UBAP2: variants seen among roughly 807,000 people sequenced by gnomAD.
UBAP2 encodes ubiquitin-associated protein 2.
In UBAP2, 75 loss-of-function variants were observed where a neutral mutation model predicts 139.6. The observed-to-expected ratio is 0.54, with a 90% confidence interval of 0.45 to 0.65. The LOEUF is 0.65. Among genes scored for constraint, UBAP2 ranks in the 30% least tolerant of loss-of-function variants. The pLI, the probability that UBAP2 is intolerant of heterozygous loss-of-function variation, is 0.00. For synonymous variants in UBAP2, 526 were observed against 526.2 expected (o/e 1.00, Z 0.01); for missense variants, 1,368 against 1,369.6 (o/e 1.00, Z 0.02).
At chr9:34,023,498 T>C (rs564291065) in intron 1 of UBAP2, among the ~76,000 whole-genome samples, 1 of 152,314 alleles carries the variant, frequency 6.6e-6, no homozygotes, top group South Asian at 2.1e-4. Context: ...AAAATTTTAC[T>C]GGTCCATGTT....
At chr9:34,022,835 A>AC (rs1306676137) in intron 1 of UBAP2, among the ~76,000 whole-genome samples, 1 of 152,018 alleles carries the variant, frequency 6.6e-6, no homozygotes, top group Non-Finnish European at 1.5e-5. Flanking sequence ...CTACCACAAA[A>AC]CCTTTTTAAG....
intron 10 of UBAP2, among the ~76,000 whole-genome samples, chr9:33,959,166 T>A (rs1278948668): frequency 1.4e-5 from 2 of 147,842 alleles, no homozygotes; most frequent in East Asian, 2.0e-4. Context: ...AAAAAAAAAA[T>A]TAAAGTACTT....
chr9:33,927,114 G>GGCCCTGCTT, intron 20 of UBAP2, 34 bp from the exon 21 acceptor site: 2 of 1,535,856 alleles, frequency 1.3e-6, no homozygotes, highest in Non-Finnish European at 1.8e-6. Flanking sequence ...GGAGTGAAAT[G>GGCCCTGCTT]GTCACCACAA....
intron 1 of UBAP2, among the ~76,000 whole-genome samples, chr9:34,019,386 G>A (rs747265457): frequency 6.6e-6 from 1 of 152,102 alleles, no homozygotes; most frequent in East Asian, 1.9e-4. Context: ...CTGGGCGACA[G>A]AGCAAAACTC....
chr9:34,009,015 A>G (rs1441518121), intron 2 of UBAP2, among the ~76,000 whole-genome samples: 2 of 149,806 alleles, frequency 1.3e-5, no homozygotes, highest in African/African-American at 4.9e-5. Context: ...CGGGGTGAAT[A>G]TATCTCTATC....
At chr9:34,009,879 C>T (rs10971845) in intron 2 of UBAP2, among the ~76,000 whole-genome samples, 11,512 of 147,912 alleles carry the variant, frequency 0.078, 644 homozygotes, top group Non-Finnish European at 0.12. Context: ...GGGATCTCTG[C>T]TCATCGCAAC....
chr9:34,024,654 T>C (rs1018553992), intron 1 of UBAP2, among the ~76,000 whole-genome samples: 6 of 152,022 alleles, frequency 3.9e-5, no homozygotes, highest in Admixed American at 3.3e-4. Flanking sequence ...GATGCATGAT[T>C]CAACAGACAA....
chr9:33,983,589 T>C (rs1820952491), intron 6 of UBAP2, among the ~76,000 whole-genome samples: 1 of 152,204 alleles, frequency 6.6e-6, no homozygotes. Context: ...CCGCCCTCCC[T>C]GGTGAGACAC....
intron 2 of UBAP2, among the ~76,000 whole-genome samples, chr9:34,011,368 ATCT>A (rs1022534676): frequency 2.6e-5 from 4 of 152,288 alleles, no homozygotes; most frequent in Non-Finnish European, 2.9e-5. Flanking sequence ...CTTCAGTAAT[ATCT>A]TTTTTATTCA....
rs1173781682 is a variant in UBAP2, at chr9:33,980,220, CTTTTTTTTT to C, written c.520+6531_520+6539del. ...TTAATCCAAATCCTGAGTGTCATTTCTTTTTTTTTTTTTTTTTTTTTTTTTTTTTTGAGA... is the reference window on the plus strand; with the variant it reads ...TTAATCCAAATCCTGAGTGTCATTTCTTTTTTTTTTTTTTTTTTTTTGAGA... On this transcript the variant is annotated intron_variant, in intron 6 of 28. Transcript: ENST00000379238. 4.7e-3 allele frequency among the ~76,000 whole-genome samples: 232 copies of C among 49,108 alleles called. 2 individuals carry two copies. Among genetic ancestry groups the C allele is most frequent in the South Asian group, 0.035 (35 of 1,002 alleles). 32.2% of individuals were successfully genotyped at this position (49,108 alleles called of 152,430 possible).
At chr9:33,997,434 T>C (rs927659327) in intron 3 of UBAP2, 6 of 152,214 alleles carry the variant, frequency 3.9e-5, no homozygotes, top group Non-Finnish European at 7.3e-5. Flanking sequence ...AGGTAATTAA[T>C]AGCAAAGCCC....
At position 33,923,927 on chromosome 9, in the gene UBAP2, C is replaced by G. The variant is rs2130849183; in HGVS notation, c.2664G>C (p.Gln888His). 3 of 1,614,210 alleles carry G rather than the reference C, an allele frequency of 1.9e-6. No individual in the cohort carries two copies. Among genetic ancestry groups the G allele is most frequent in the South Asian group, 2.2e-5 (2 of 91,084 alleles). The change falls in exon 24 of 29, where the codon CAG becomes CAC. Residue 888 changes from glutamine to histidine, a missense_variant. Gln to His is a conservative substitution (Grantham distance 24). Coordinates refer to ENST00000379238, the MANE Select transcript of UBAP2 (RefSeq NM_001370062.2). ...APATTPAQPQ[Q>H]SQSQTHHTAQ... The stretch of plus-strand genomic sequence containing the variant: ...CTGTGTGGTGGGTCTGTGATTGGCT[C>G]TGCTGTGGCTGAGCTGGTGTGGTAG...
chr9:33,975,358 G>C (rs930885921), intron 6 of UBAP2, among the ~76,000 whole-genome samples: 7 of 151,766 alleles, frequency 4.6e-5, no homozygotes, highest in African/African-American at 1.7e-4. Context: ...CTGGAACCCG[G>C]GAGGCAGAGG....
At chr9:34,024,085 G>A (rs1431457457) in intron 1 of UBAP2, among the ~76,000 whole-genome samples, 9 of 151,600 alleles carry the variant, frequency 5.9e-5, no homozygotes, top group African/African-American at 1.7e-4. Flanking sequence ...AAGGATGGGC[G>A]CGGTGGCACA....
chr9:33,990,880 A>G (rs1587623144), intron 4 of UBAP2, among the ~76,000 whole-genome samples: 1 of 151,990 alleles, frequency 6.6e-6, no homozygotes, highest in Non-Finnish European at 1.5e-5. Context: ...CAGGTGATCC[A>G]CCTACCTCGG....
Position 33,927,800 on chromosome 9 carries a change from A to C in UBAP2, c.2368T>G (p.Ser790Ala). ...GAAAGGCCTCTGGAGCAAATACCTGAGGTCACCAAGGGCGCGGCCCTGCTA... is the reference window on the plus strand; with the variant it reads ...GAAAGGCCTCTGGAGCAAATACCTGCGGTCACCAAGGGCGCGGCCCTGCTA... Reference protein sequence around the residue: ...SSSRAAPLVTSGKAPPNLPQG... With the variant: ...SSSRAAPLVTAGKAPPNLPQG... The change falls in exon 20 of 29, where the codon TCA becomes GCA. Residue 790 changes from serine (S) to alanine (A), a missense_variant. Coordinates refer to ENST00000379238, the MANE Select transcript of UBAP2 (RefSeq NM_001370062.2). 1 of 1,608,964 alleles carries C rather than the reference A, an allele frequency of 6.2e-7. No individual in the cohort carries two copies.
chr9:33,948,576 A>G lies in UBAP2; in HGVS notation c.1068T>C (p.Leu356=). Residue 356 remains leucine, a synonymous_variant, in exon 13 of 29, where the codon CTT becomes CTC. Coordinates refer to ENST00000379238, the MANE Select transcript of UBAP2 (RefSeq NM_001370062.2). ...GTGCAAGCTCTCCAAATCCTGAGCC[A>G]AGGACGGATGACTTTAAAAGGGGGA... is the stretch of plus-strand genomic sequence containing the variant. ...SCSPQSLSSV[L]GSGFGELAPP... The G allele has an allele frequency of 6.2e-7, 1 of 1,614,186 alleles. No homozygotes were observed. The highest frequency in any genetic ancestry group is 8.5e-7 in the Non-Finnish European group (1 of 1,180,018).
chr9:33,922,952 C>T lies in UBAP2; in HGVS notation c.3072+14G>A. On this transcript the variant is annotated intron_variant, in intron 27 of 28. Coordinates refer to ENST00000379238, the MANE Select transcript of UBAP2 (RefSeq NM_001370062.2). ...CTCAAAAACCTATACACCCAACCCA[C>T]CTTTGTCCCTCACCTGTGTCTTATT... 1.9e-6 allele frequency: 3 copies of T among 1,614,176 alleles called. No homozygotes were observed. The highest frequency in any genetic ancestry group is 2.2e-5 in the East Asian group (1 of 44,884).
intron 18 of UBAP2, among the ~76,000 whole-genome samples, 153 bp downstream of exon 18, chr9:33,933,337 C>G (rs1824168069): frequency 6.6e-6 from 1 of 152,186 alleles, no homozygotes; most frequent in Admixed American, 6.5e-5. Context: ...AAGGAACAAC[C>G]TGGCCAAAAC....
Sources: gnomAD v4.1 joint callset for allele counts (sites outside exome capture counted in the v4.1 genomes callset) on GRCh38, gnomAD v4.1.1 for gene constraint, MANE v1.5 for transcripts, NCBI Gene and HGNC (gene_info 2026-07-23, HGNC 2026-07-21) for gene names.